The following ENTREP2 variants were observed in gnomAD, a reference collection of about 807,000 sequenced individuals.
The protein encoded by ENTREP2 is endosomal transmembrane epsin interactor 2, also known as protein ENTREP2.
At chr15:29,631,530 T>C in the ENTREP2 span, among the ~76,000 whole-genome samples, 1 of 152,238 alleles carries the variant, frequency 6.6e-6, no homozygotes, top group Non-Finnish European at 1.5e-5. Context: ...CGGGGCACTC[T>C]GCAATGCGTA....
At chr15:29,218,648 C>T in the ENTREP2 span, among the ~76,000 whole-genome samples, 1 of 152,046 alleles carries the variant, frequency 6.6e-6, no homozygotes, top group African/African-American at 2.4e-5. Context: ...ATAGAGAACC[C>T]AGAAATAAGC....
the ENTREP2 span, among the ~76,000 whole-genome samples, chr15:29,156,525 C>T: frequency 6.6e-6 from 1 of 151,564 alleles, no homozygotes; most frequent in Admixed American, 6.6e-5. Flanking sequence ...AGAAAGACAC[C>T]TTTGCAGGGA....
the ENTREP2 span, among the ~76,000 whole-genome samples, chr15:29,259,316 A>C: frequency 2.6e-5 from 4 of 152,234 alleles, no homozygotes; most frequent in Non-Finnish European, 4.4e-5. Context: ...CAAAATGTCC[A>C]ATTCTCAAAT....
At chr15:29,345,279 T>C in the ENTREP2 span, among the ~76,000 whole-genome samples, 20 of 152,282 alleles carry the variant, frequency 1.3e-4, no homozygotes, top group Non-Finnish European at 2.8e-4. Context: ...ATCTCTTGAA[T>C]GAAGTTCCTC....
chr15:29,224,232 C>T, the ENTREP2 span, among the ~76,000 whole-genome samples: 2 of 152,034 alleles, frequency 1.3e-5, no homozygotes, highest in Non-Finnish European at 2.9e-5. Flanking sequence ...GTTCGTTCCT[C>T]CCGGTGGGTT....
At chr15:29,483,642 A>T in the ENTREP2 span, among the ~76,000 whole-genome samples, 70,424 of 151,990 alleles carry the variant, frequency 0.46, 16,574 homozygotes, top group African/African-American at 0.55. Flanking sequence ...CTAGTTAGAA[A>T]TAAATTGTCT....
At chr15:29,579,018 C>T in the ENTREP2 span, among the ~76,000 whole-genome samples, 1 of 152,118 alleles carries the variant, frequency 6.6e-6, no homozygotes, top group South Asian at 2.1e-4. Flanking sequence ...TATTCATATG[C>T]TCAGACTCAA....
chr15:29,309,320 T>C, the ENTREP2 span, among the ~76,000 whole-genome samples: 13 of 152,328 alleles, frequency 8.5e-5, no homozygotes, highest in Non-Finnish European at 1.8e-4. Context: ...TGTAGTATTG[T>C]TACCACTGTC....
the ENTREP2 span, among the ~76,000 whole-genome samples, chr15:29,313,985 G>GA: frequency 6.6e-6 from 1 of 152,142 alleles, no homozygotes; most frequent in Non-Finnish European, 1.5e-5. Context: ...AAATTTCCGT[G>GA]GAGGAAGTAA....
chr15:29,597,144 C>T, the ENTREP2 span, among the ~76,000 whole-genome samples: 2 of 151,936 alleles, frequency 1.3e-5, no homozygotes, highest in African/African-American at 4.8e-5. Context: ...AACTTCTAAC[C>T]TCTTGGCAAA....
At chr15:29,195,204 T>C in the ENTREP2 span, 73 of 985,252 alleles carry the variant, frequency 7.4e-5, no homozygotes, top group Non-Finnish European at 8.2e-5. Flanking sequence ...GCTGGGACCA[T>C]CCAACTTGGA....
chr15:29,162,113 A>C, the ENTREP2 span, among the ~76,000 whole-genome samples: 6 of 152,140 alleles, frequency 3.9e-5, no homozygotes, highest in African/African-American at 1.4e-4. Flanking sequence ...CAATTTAGAG[A>C]GTCGAGCGAA....
At chr15:29,247,012 C>CACACAT in the ENTREP2 span, among the ~76,000 whole-genome samples, 9 of 150,590 alleles carry the variant, frequency 6.0e-5, no homozygotes, top group East Asian at 1.9e-4. Context: ...CACACACACA[C>CACACAT]ACGCAAAACC....
chr15:29,168,723 C>T, the ENTREP2 span, among the ~76,000 whole-genome samples: 1 of 152,178 alleles, frequency 6.6e-6, no homozygotes, highest in Admixed American at 6.5e-5. Flanking sequence ...CTTGCTTTGG[C>T]CACTCAGGCA....
chr15:29,527,464 A>G, the ENTREP2 span, among the ~76,000 whole-genome samples: 1 of 152,160 alleles, frequency 6.6e-6, no homozygotes, highest in Admixed American at 6.5e-5. Flanking sequence ...CCAACAATCA[A>G]TAGTTTGTGT....
the ENTREP2 span, among the ~76,000 whole-genome samples, chr15:29,565,255 G>T: frequency 6.6e-6 from 1 of 152,176 alleles, no homozygotes; most frequent in Admixed American, 6.5e-5. Flanking sequence ...CAAGAGGACA[G>T]AAAAAGGGGC....
At chr15:29,639,348 GTCTC>G in the ENTREP2 span, among the ~76,000 whole-genome samples, 1 of 152,238 alleles carries the variant, frequency 6.6e-6, no homozygotes, top group South Asian at 2.1e-4. Flanking sequence ...CTGTCGGTTT[GTCTC>G]TCTGTTTCTT....
the ENTREP2 span, among the ~76,000 whole-genome samples, chr15:29,452,968 C>T: frequency 6.6e-6 from 1 of 151,974 alleles, no homozygotes; most frequent in Non-Finnish European, 1.5e-5. Context: ...TGAGAGAGGC[C>T]GAGAGGAAAT....
chr15:29,516,111 G>A, the ENTREP2 span, among the ~76,000 whole-genome samples: 216 of 152,156 alleles, frequency 1.4e-3, no homozygotes, highest in Admixed American at 4.9e-3. Context: ...TAATGCTGAT[G>A]CCCAAGCTGC....
Sources: allele counts gnomAD v4.1 joint callset (sites outside exome capture counted in the v4.1 genomes callset), GRCh38; gene constraint gnomAD v4.1.1; transcripts MANE v1.5; gene names NCBI Gene and HGNC (gene_info 2026-07-23, HGNC 2026-07-21).